The following ATG16L1 variants were observed in gnomAD, a reference collection of about 807,000 sequenced individuals.
The protein encoded by ATG16L1 is autophagy related 16 like 1, also known as autophagy-related protein 16-1.
In ATG16L1, 37 loss-of-function variants were observed where a neutral mutation model predicts 88.5. That is an observed-to-expected ratio of 0.42 (90% confidence interval 0.32 to 0.55). The LOEUF is 0.55. ATG16L1 is among the 20% of genes least tolerant of loss of function. ATG16L1 has a pLI of 0.13. For synonymous variants in ATG16L1, 301 were observed against 281.0 expected (o/e 1.07, Z -0.71); for missense variants, 554 against 752.8 (o/e 0.74, Z 3.09).
chr2:233,275,319 G>A (rs73998328), intron 9 of ATG16L1: 3,106 of 223,948 alleles, frequency 0.014, 108 homozygotes, highest in African/African-American at 0.065. Flanking sequence ...CCCAGCTGGG[G>A]TAGTTGAGCA....
chr2:233,274,766 C>T lies in ATG16L1; in HGVS notation c.942C>T (p.Ala314=), dbSNP rs1327828007. 2 of 1,610,402 alleles carry T rather than the reference C, an allele frequency of 1.2e-6. No individual in the cohort carries two copies. The highest frequency in any genetic ancestry group is 2.2e-5 in the East Asian group (1 of 44,860). ...AAGAAGTGAGGGTACCAGCTACTGC[C>T]TTGTGTGTCTTCGTAAGTATGCTTC... ...SGKEVRVPAT[A]LCVFDAHDGE... is the part of the protein sequence containing the mutation. Residue 314 remains alanine, a synonymous_variant, in exon 9 of 18, where the codon GCC becomes GCT. Transcript: ENST00000392017.
rs79332571 is a variant in ATG16L1, at chr2:233,266,670, G to A, written c.641+1527G>A. On this transcript the variant is annotated intron_variant, in intron 5 of 17. Transcript: ENST00000392017. ...AGTTAGCATATCAAAGAGATAATCT[G>A]CACTACCATCATGTTTGTGGCAGCA... 5.5e-3 allele frequency among the ~76,000 whole-genome samples: 844 copies of A among 152,306 alleles called. 16 individuals are homozygous for A. Among genetic ancestry groups the A allele is most frequent in the African/African-American group, 0.02 (820 of 41,550 alleles).
chr2:233,253,156 G>T (rs956913519), intron 1 of ATG16L1, among the ~76,000 whole-genome samples: 5 of 152,076 alleles, frequency 3.3e-5, no homozygotes, highest in Admixed American at 6.6e-5. Context: ...CTTCCCAAAT[G>T]ACTACTGTGC....
chr2:233,288,661 C>A (rs1343839269), intron 12 of ATG16L1: 2 of 447,082 alleles, frequency 4.5e-6, no homozygotes, highest in South Asian at 1.6e-5. Context: ...AAATGTTGAT[C>A]ATGCACTGCA....
At chr2:233,278,456 A>G (rs1232291732) in intron 10 of ATG16L1, among the ~76,000 whole-genome samples, 1 of 152,214 alleles carries the variant, frequency 6.6e-6, no homozygotes, top group African/African-American at 2.4e-5. Context: ...AGCAATAAAT[A>G]GCTCCAAAGT....
intron 7 of ATG16L1, 65 bp downstream of exon 7, chr2:233,273,117 G>T (rs1698103993): frequency 7.3e-7 from 1 of 1,375,226 alleles, no homozygotes; most frequent in Admixed American, 1.7e-5. Context: ...CACATCTGTG[G>T]ACATGACAAA....
Position 233,295,174 on chromosome 2 carries a change from A to G in ATG16L1, c.*824A>G, listed in dbSNP as rs1030678441. 1.3e-5 allele frequency: 2 copies of G among 152,712 alleles called. No homozygotes were observed. The highest frequency in any genetic ancestry group is 2.4e-5 in the African/African-American group (1 of 41,408). 9.5% of individuals were successfully genotyped at this position (152,712 alleles called of 1,614,324 possible). A position where few individuals can be genotyped will look rare whatever the true frequency, so the allele number is the denominator to read the frequency against. The stretch of plus-strand genomic sequence containing the variant: ...CCAACATACTTGTCTGAAGGTGGTG[A>G]TTCTGGCCATGGCCCCTCTGCCAAG... On this transcript the variant is annotated 3_prime_UTR_variant, in exon 18 of 18. Transcript: ENST00000392017.
intron 6 of ATG16L1, among the ~76,000 whole-genome samples, chr2:233,272,529 G>A (rs192328047): frequency 1.3e-5 from 2 of 152,192 alleles, no homozygotes; most frequent in African/African-American, 4.8e-5. Context: ...TTCCATAGCT[G>A]CTGCCCCTAA....
rs746699367 is a variant in ATG16L1, at chr2:233,263,283, C to T, written c.315+48C>T. On this transcript the variant is annotated intron_variant, in intron 3 of 17. Coordinates refer to ENST00000392017, the MANE Select transcript of ATG16L1 (RefSeq NM_030803.7). ...TCTGTCTTCTGCCCTCTATGAGAGTCCTGTGGGGAGCGGGGGAGCTCAGTC... is the reference window on the plus strand; with the variant it reads ...TCTGTCTTCTGCCCTCTATGAGAGTTCTGTGGGGAGCGGGGGAGCTCAGTC... The T allele has an allele frequency of 3.2e-6, 5 of 1,550,760 alleles. No individual in the cohort carries two copies. In the East Asian group the frequency reaches 1.1e-4, roughly 35 times the overall value.
chr2:233,261,760 T>C (rs960404337), intron 2 of ATG16L1, among the ~76,000 whole-genome samples: 4 of 152,226 alleles, frequency 2.6e-5, no homozygotes, highest in Admixed American at 6.5e-5. Flanking sequence ...AGTCTGATAA[T>C]TCTCACCTGT....
intron 16 of ATG16L1, among the ~76,000 whole-genome samples, chr2:233,292,980 T>G (rs1271043175): frequency 6.6e-6 from 1 of 152,192 alleles, no homozygotes; most frequent in Non-Finnish European, 1.5e-5. Context: ...GGCTTTGATC[T>G]CCCTATATGT....
chr2:233,259,630 C>T (rs1391147176), intron 2 of ATG16L1, among the ~76,000 whole-genome samples: 1 of 152,192 alleles, frequency 6.6e-6, no homozygotes, highest in Admixed American at 6.5e-5. Context: ...CAGGTTACCC[C>T]TTGTTCAGTC....
Position 233,263,096 on chromosome 2 carries a change from A to G in ATG16L1, c.210-34A>G, listed in dbSNP as rs374605637. 58 of 1,590,190 alleles carry G rather than the reference A, an allele frequency of 3.6e-5. No individual in the cohort carries two copies. The South Asian group carries it at 5.1e-4, about 14-fold the overall frequency. On this transcript the variant is annotated intron_variant, in intron 2 of 17. Coordinates refer to ENST00000392017, the MANE Select transcript of ATG16L1 (RefSeq NM_030803.7). ...TCATTTTTCCCCCTCCGTTTTTTGC[A>G]CATTCTCTTCATCTGCCTGGTTTGC...
intron 3 of ATG16L1, 40 bp downstream of exon 3, chr2:233,263,275 A>C (rs192772825): frequency 1.3e-6 from 2 of 1,570,940 alleles, no homozygotes; most frequent in Non-Finnish European, 1.7e-6. Flanking sequence ...TCTGCCCTCT[A>C]TGAGAGTCCT....
chr2:233,292,711 T>C (rs1699546516), intron 16 of ATG16L1, among the ~76,000 whole-genome samples: 1 of 152,242 alleles, frequency 6.6e-6, no homozygotes, highest in Admixed American at 6.5e-5. Context: ...TCATCACTCA[T>C]TCACGCAAGA....
chr2:233,289,377 A>ATATGTGTGTGTGTGTGTG (rs1553608984), intron 12 of ATG16L1, among the ~76,000 whole-genome samples: 2 of 129,060 alleles, frequency 1.5e-5, no homozygotes, highest in Non-Finnish European at 3.3e-5. Flanking sequence ...CCTGTTTGGG[A>ATATGTGTGTGTGTGTGTG]TGTGTGTGTG....
At chr2:233,273,990 G>C in intron 8 of ATG16L1, 1 of 1,550,970 alleles carries the variant, frequency 6.4e-7, no homozygotes, top group Non-Finnish European at 8.7e-7. Context: ...TTTCCCTTTA[G>C]TCTGTCCGAG....
chr2:233,272,151 T>C (rs1264855575), intron 6 of ATG16L1, among the ~76,000 whole-genome samples: 1 of 152,150 alleles, frequency 6.6e-6, no homozygotes, highest in Non-Finnish European at 1.5e-5. Context: ...TCCATGAAGG[T>C]TGCATCTCAG....
At chr2:233,258,752 A>T (rs535360317) in intron 2 of ATG16L1, among the ~76,000 whole-genome samples, 2 of 152,194 alleles carry the variant, frequency 1.3e-5, no homozygotes, top group East Asian at 3.8e-4. Context: ...GCTGGAGTGC[A>T]GTGGCATGAT....
Sources: allele counts gnomAD v4.1 joint callset (sites outside exome capture counted in the v4.1 genomes callset), GRCh38; gene constraint gnomAD v4.1.1; transcripts MANE v1.5; gene names NCBI Gene and HGNC (gene_info 2026-07-23, HGNC 2026-07-21).